Variants in TUSC3 observed in about 807,000 individuals in gnomAD.
The protein encoded by TUSC3 is dolichyl-diphosphooligosaccharide--protein glycosyltransferase subunit TUSC3.
A neutral mutation model predicts 44.8 loss-of-function variants in TUSC3; 45 were observed. The observed-to-expected ratio is 1.00, with a 90% CI of 0.79 to 1.29. The LOEUF (loss-of-function observed/expected upper bound fraction) is 1.29, where lower values mean the gene tolerates loss of function less well. Ranked by LOEUF, TUSC3 falls within the 50% of genes most tolerant of loss-of-function variation. The pLI is 0.00. For synonymous variants in TUSC3, 212 were observed against 152.9 expected (o/e 1.39, Z -2.85); for missense variants, 519 against 437.9 (o/e 1.19, Z -1.65).
At position 15,459,876 on chromosome 8, in the gene TUSC3, A is replaced by G. The variant is rs1369461944; in HGVS notation, n.92-23510A>G. Among the ~76,000 whole-genome samples, 462 of 115,148 alleles carry G rather than the reference A, an allele frequency of 4.0e-3. 6 individuals carry two copies. The highest frequency in any genetic ancestry group is 0.016 in the African/African-American group (412 of 25,914). The allele number at this position is 115,148 out of a possible 152,430, so 75.5% of individuals were successfully genotyped here. On this transcript the variant is annotated intron_variant and non_coding_transcript_variant, in intron 1 of 5. Coordinates refer to the TUSC3 transcript ENST00000503191. ...TGTGTATGTGTGTGTGTGTGTGTGT[A>G]TACATACATACATACATACATACAT... is the stretch of plus-strand genomic sequence containing the variant.
intron 1 of TUSC3, among the ~76,000 whole-genome samples, chr8:15,447,053 G>GA (rs1023429887): frequency 2.7e-4 from 39 of 143,920 alleles, no homozygotes; most frequent in Middle Eastern, 3.5e-3. Context: ...AAATGCAGAA[G>GA]AAAAAAAAAA....
chr8:15,501,681 T>C (rs947870677), intron 2 of TUSC3, among the ~76,000 whole-genome samples: 1 of 152,200 alleles, frequency 6.6e-6, no homozygotes, highest in African/African-American at 2.4e-5. Context: ...TATTACTCTC[T>C]TCCTGTCCTT....
At chr8:15,750,434 A>T (rs1811646277) in intron 9 of TUSC3, among the ~76,000 whole-genome samples, 2 of 152,152 alleles carry the variant, frequency 1.3e-5, no homozygotes, top group Non-Finnish European at 2.9e-5. Context: ...AAAAGTGGAG[A>T]AAAAAATATT....
chr8:15,461,803 T>C (rs1022662229), intron 1 of TUSC3, among the ~76,000 whole-genome samples: 6 of 151,604 alleles, frequency 4.0e-5, no homozygotes, highest in South Asian at 2.1e-4. Flanking sequence ...AATTAAAAGA[T>C]AGCAAAAATA....
intron 2 of TUSC3, among the ~76,000 whole-genome samples, chr8:15,629,553 G>GTTTTTTTT (rs71211066): frequency 7.7e-6 from 1 of 129,046 alleles, no homozygotes. Context: ...CGGCCATCTT[G>GTTTTTTTT]TTTTTTTTTT....
chr8:15,619,802 G>T (rs573060760), intron 1 of TUSC3, among the ~76,000 whole-genome samples: 9 of 152,268 alleles, frequency 5.9e-5, no homozygotes, highest in African/African-American at 1.9e-4. Context: ...GAGCCACCGT[G>T]CCCGGCCTAT....
intron 1 of TUSC3, among the ~76,000 whole-genome samples, chr8:15,459,064 T>G (rs1054326056): frequency 2.6e-5 from 4 of 152,182 alleles, no homozygotes; most frequent in Non-Finnish European, 5.9e-5. Flanking sequence ...AATTTGACAG[T>G]CCTTTAGCAG....
At chr8:15,489,939 C>T (rs1046756770) in intron 2 of TUSC3, among the ~76,000 whole-genome samples, 5 of 152,028 alleles carry the variant, frequency 3.3e-5, no homozygotes, top group African/African-American at 4.8e-5. Flanking sequence ...GCTAGAAAAT[C>T]CTATATTGTA....
At chr8:15,539,343 TTC>T (rs1425005261), upstream of TUSC3, among the ~76,000 whole-genome samples, 1 of 125,772 alleles carries the variant, frequency 8.0e-6, no homozygotes, top group African/African-American at 3.2e-5. Context: ...GCTGCTATGG[TTC>T]TTTTTTTTTT....
At chr8:15,503,043 G>A (rs2172821) in intron 2 of TUSC3, among the ~76,000 whole-genome samples, 130,307 of 152,194 alleles carry the variant, frequency 0.86, 55,862 homozygotes, top group Admixed American at 0.89. Context: ...TGTGAAACCA[G>A]TTACGGGTTT....
At position 15,600,876 on chromosome 8, in the gene TUSC3, C is replaced by T. The variant is rs371858611; in HGVS notation, c.139-22204C>T. Among the ~76,000 whole-genome samples the T allele has an allele frequency of 3.7e-3, 554 of 151,556 alleles. 8 individuals carry two copies. The highest frequency in any genetic ancestry group is 0.012 in the African/African-American group (502 of 41,422). On this transcript the variant is annotated intron_variant, in intron 1 of 10. Coordinates refer to ENST00000503731, the MANE Select transcript of TUSC3 (RefSeq NM_006765.4). Reference sequence around the variant, plus strand: ...CTATCAGTGTAAAATTGCTTAATAACGATAGAAATGGTGAACCCAAATTGC... The same window carrying T: ...CTATCAGTGTAAAATTGCTTAATAATGATAGAAATGGTGAACCCAAATTGC...
chr8:15,767,903 G>C (rs568639473), downstream of TUSC3, among the ~76,000 whole-genome samples: 2 of 152,254 alleles, frequency 1.3e-5, no homozygotes, highest in East Asian at 3.9e-4. Context: ...AAATACTTTG[G>C]AGAATAAGGA....
chr8:15,568,596 A>T (rs1269666382), intron 1 of TUSC3, among the ~76,000 whole-genome samples: 1 of 151,876 alleles, frequency 6.6e-6, no homozygotes. Flanking sequence ...AATTAAAAAT[A>T]CACAAATTCT....
chr8:15,630,240 A>T (rs953653064), intron 2 of TUSC3, among the ~76,000 whole-genome samples: 4 of 152,188 alleles, frequency 2.6e-5, no homozygotes, highest in Non-Finnish European at 2.9e-5. Flanking sequence ...TGCCTGTATA[A>T]CCAAAGTTTT....
chr8:15,792,091 CAAAT>C, the TUSC3 span, among the ~76,000 whole-genome samples: 4 of 150,926 alleles, frequency 2.7e-5, no homozygotes, highest in Non-Finnish European at 4.4e-5. Flanking sequence ...ATTTGGAAAA[CAAAT>C]GAATCTCTGA....
At chr8:15,537,316 C>G (rs1439137886), upstream of TUSC3, among the ~76,000 whole-genome samples, 1 of 152,144 alleles carries the variant, frequency 6.6e-6, no homozygotes, top group Non-Finnish European at 1.5e-5. Context: ...CTCCCCTCCA[C>G]CCCACTTTAA....
At chr8:15,650,570 A>G (rs926287815) in intron 2 of TUSC3, 127 bp from the exon 3 acceptor site, 4 of 719,260 alleles carry the variant, frequency 5.6e-6, no homozygotes, top group African/African-American at 1.8e-5. Flanking sequence ...TATTTTAAAA[A>G]CTATGCTTTT....
intron 2 of TUSC3, among the ~76,000 whole-genome samples, chr8:15,643,131 T>C (rs996216967): frequency 6.6e-6 from 1 of 152,144 alleles, no homozygotes; most frequent in Non-Finnish European, 1.5e-5. Flanking sequence ...GCACTCCTTC[T>C]TCCTGCCGCC....
At chr8:15,540,654 G>T (rs142363132) in intron 1 of TUSC3, 86 bp downstream of exon 1, 1 of 1,431,080 alleles carries the variant, frequency 7.0e-7, no homozygotes, top group Non-Finnish European at 9.2e-7. Flanking sequence ...CGTGTTGCTA[G>T]GCAGCCTGGT....
Sources: allele counts gnomAD v4.1 joint callset (sites outside exome capture counted in the v4.1 genomes callset), GRCh38; gene constraint gnomAD v4.1.1; transcripts MANE v1.5; gene names NCBI Gene and HGNC (gene_info 2026-07-23, HGNC 2026-07-21).